TIMP3: variants seen among roughly 807,000 people sequenced by gnomAD.
TIMP3 encodes the protein TIMP metallopeptidase inhibitor 3.
TIMP3 carries 11 observed loss-of-function variants against 30.0 expected under a neutral mutation model. The ratio of observed to expected loss-of-function variants is 0.37; its 90% CI spans 0.23 to 0.61. TIMP3 has a LOEUF of 0.61. TIMP3 is among the 20% of genes least tolerant of loss of function. TIMP3 has a pLI of 0.70. For synonymous variants in TIMP3, 112 were observed against 111.3 expected, an observed-to-expected ratio of 1.01 and a Z score of -0.04; for missense variants, 181 against 276.8, an observed-to-expected ratio of 0.65 and a Z score of 2.45.
At chr22:32,844,727 T>G (rs1020357677) in intron 1 of TIMP3, among the ~76,000 whole-genome samples, 2 of 151,478 alleles carry the variant, frequency 1.3e-5, no homozygotes, top group African/African-American at 4.9e-5. Context: ...TTTTTTTTGC[T>G]GAGACAGAGT....
chr22:32,805,593 C>G (rs1040073541), intron 1 of TIMP3, among the ~76,000 whole-genome samples: 1 of 152,014 alleles, frequency 6.6e-6, no homozygotes. Flanking sequence ...CCTGGTTGCA[C>G]GCACTTCCCA....
intron 1 of TIMP3, among the ~76,000 whole-genome samples, chr22:32,835,774 G>T (rs1229884937): frequency 1.3e-5 from 2 of 152,208 alleles, no homozygotes; most frequent in African/African-American, 4.8e-5. Context: ...CCCTTTGTCT[G>T]CAAGCCAAGG....
intron 1 of TIMP3, among the ~76,000 whole-genome samples, chr22:32,835,710 C>A (rs1352094549): frequency 6.6e-6 from 1 of 152,174 alleles, no homozygotes; most frequent in African/African-American, 2.4e-5. Context: ...GGGCTGAGCT[C>A]CCTGTCTTCA....
chr22:32,801,951 G>C lies in TIMP3; in HGVS notation c.-51G>C. 1 of 1,553,978 alleles carries C rather than the reference G, an allele frequency of 6.4e-7. No homozygotes were observed. Among genetic ancestry groups the C allele is most frequent in the Non-Finnish European group, 8.6e-7 (1 of 1,159,526 alleles). ...AGCAGCCCCGCCGGCGGCGCGCACG[G>C]CAACTTTGGAGAGGCGAGCAGCAGC... On this transcript the variant is annotated 5_prime_UTR_variant, in exon 1 of 5. Transcript: ENST00000266085. This position sits in a 1 kb window ranked among gnomAD's most constrained non-coding sequence, Gnocchi z 4.7.
intron 1 of TIMP3, among the ~76,000 whole-genome samples, chr22:32,842,653 A>C (rs1263930214): frequency 2.0e-5 from 3 of 152,200 alleles, no homozygotes; most frequent in Non-Finnish European, 4.4e-5. Flanking sequence ...GTCTCATTTA[A>C]TTAATCAATC....
chr22:32,857,492 T>G, intron 3 of TIMP3, 132 bp downstream of exon 3: 1 of 758,314 alleles, frequency 1.3e-6, no homozygotes, highest in Non-Finnish European at 2.3e-6. Context: ...AATGTTGAAT[T>G]CATCCCACTT....
At chr22:32,816,735 G>A (rs115126469) in intron 1 of TIMP3, among the ~76,000 whole-genome samples, 34 of 152,212 alleles carry the variant, frequency 2.2e-4, no homozygotes, top group African/African-American at 8.0e-4. Context: ...CAAGCTCCTG[G>A]GTCCTTCCTG....
intron 1 of TIMP3, among the ~76,000 whole-genome samples, chr22:32,827,311 A>G (rs1281507386): frequency 1.3e-5 from 2 of 152,184 alleles, no homozygotes; most frequent in East Asian, 3.8e-4. Flanking sequence ...CAGTTTAAAT[A>G]TGTGAATTCA....
intron 3 of TIMP3, among the ~76,000 whole-genome samples, chr22:32,857,725 A>G (rs2048410889): frequency 6.6e-6 from 1 of 152,224 alleles, no homozygotes; most frequent in Non-Finnish European, 1.5e-5. Flanking sequence ...AAACAAAAAC[A>G]AAAATCATTA....
intron 1 of TIMP3, among the ~76,000 whole-genome samples, chr22:32,811,220 G>A (rs1569242654): frequency 6.6e-6 from 1 of 152,134 alleles, no homozygotes. Context: ...TCAAAGATAA[G>A]CAGACTGAGG....
intron 2 of TIMP3, 38 bp from the exon 3 acceptor site, chr22:32,857,211 T>G (rs749078043): frequency 1.2e-5 from 18 of 1,535,608 alleles, no homozygotes; most frequent in Non-Finnish European, 1.6e-5. Context: ...GTGTCCAAAC[T>G]GGGAAAGAAG....
intron 1 of TIMP3, among the ~76,000 whole-genome samples, chr22:32,822,126 G>A (rs559619442): frequency 1.4e-5 from 2 of 142,426 alleles, no homozygotes; most frequent in African/African-American, 5.2e-5. Flanking sequence ...TTGCACTCCA[G>A]CCTGGGCAAC....
At chr22:32,853,380 AC>A in intron 2 of TIMP3, among the ~76,000 whole-genome samples, 1 of 152,376 alleles carries the variant, frequency 6.6e-6, no homozygotes, top group South Asian at 2.1e-4. Context: ...AGCATCCAGA[AC>A]AGTGTTGATC....
At chr22:32,852,252 G>A (rs2048239028) in intron 2 of TIMP3, among the ~76,000 whole-genome samples, 2 of 152,198 alleles carry the variant, frequency 1.3e-5, no homozygotes, top group Admixed American at 1.3e-4. Context: ...TTGCCTATAA[G>A]GAGATAATAC....
chr22:32,856,282 G>A (rs2048362650), intron 2 of TIMP3, among the ~76,000 whole-genome samples: 1 of 151,752 alleles, frequency 6.6e-6, no homozygotes, highest in Non-Finnish European at 1.5e-5. Flanking sequence ...TCAGACATGT[G>A]TAGCCGAAGG....
intron 1 of TIMP3, among the ~76,000 whole-genome samples, chr22:32,812,726 A>G (rs1254167542): frequency 1.3e-5 from 2 of 152,200 alleles, no homozygotes; most frequent in East Asian, 3.8e-4. Flanking sequence ...CACATGTGTG[A>G]TCTGATGGAA....
chr22:32,816,504 G>A (rs1269008630), intron 1 of TIMP3, among the ~76,000 whole-genome samples: 2 of 152,140 alleles, frequency 1.3e-5, no homozygotes, highest in Non-Finnish European at 2.9e-5. Context: ...TACTTTTGTT[G>A]TCTTGAGACC....
At position 32,859,588 on chromosome 22, in the gene TIMP3, T is replaced by C. The variant is rs2048479164; in HGVS notation, c.*211T>C. ...CTGCCCCTTCTTTTTGGTTTTGACA[T>C]CATTCATTTCCACCTGGGAATTTCT... On this transcript the variant is annotated 3_prime_UTR_variant, in exon 5 of 5. Coordinates refer to ENST00000266085, the MANE Select transcript of TIMP3 (RefSeq NM_000362.5). 6.6e-6 allele frequency: 4 copies of C among 605,364 alleles called. 1 individual carries two copies. In the Admixed American group the frequency reaches 1.0e-4, roughly 15 times the overall value. The allele number at this position is 605,364 out of a possible 1,614,324, so 37.5% of individuals were successfully genotyped here.
At chr22:32,851,776 T>G (rs532639902) in intron 2 of TIMP3, among the ~76,000 whole-genome samples, 3 of 152,236 alleles carry the variant, frequency 2.0e-5, no homozygotes, top group African/African-American at 7.2e-5. Context: ...TCAGTCACCA[T>G]CTCATGCCTT....
Sources: gnomAD v4.1 joint callset for allele counts (sites outside exome capture counted in the v4.1 genomes callset) on GRCh38, gnomAD v4.1.1 for gene constraint, Gnocchi (gnomAD v3.1) non-coding constraint, MANE v1.5 for transcripts, NCBI Gene and HGNC (gene_info 2026-07-23, HGNC 2026-07-21) for gene names.